Variants in ATF2 observed in about 807,000 individuals in gnomAD.
The protein encoded by ATF2 is activating transcription factor 2.
ATF2 carries 24 observed loss-of-function variants against 60.6 expected under a neutral mutation model. The ratio of observed to expected loss-of-function variants is 0.40; its 90% CI spans 0.29 to 0.56. ATF2 has a LOEUF of 0.56. ATF2 is among the 20% of genes least tolerant of loss of function. The pLI is 0.54. For synonymous variants in ATF2, 206 were observed against 215.4 expected (o/e 0.96, Z 0.38); for missense variants, 433 against 607.7 (o/e 0.71, Z 3.02).
At chr2:175,111,540 T>A in intron 10 of ATF2, 28 bp downstream of exon 10, 1 of 1,566,844 alleles carries the variant, frequency 6.4e-7, no homozygotes, top group Non-Finnish European at 8.8e-7. Flanking sequence ...CCTCAAGCAA[T>A]GTACAGAACA....
intron 10 of ATF2, among the ~76,000 whole-genome samples, chr2:175,107,614 G>C (rs574524103): frequency 3.3e-5 from 5 of 152,054 alleles, no homozygotes; most frequent in Admixed American, 6.5e-5. Context: ...CTCTGATGCC[G>C]AGCCAAAGCT....
chr2:175,141,116 A>G (rs922418106), intron 2 of ATF2, among the ~76,000 whole-genome samples: 1 of 147,796 alleles, frequency 6.8e-6, no homozygotes, highest in African/African-American at 2.5e-5. Flanking sequence ...TCCTTAAAAT[A>G]TCAACTTCAA....
chr2:175,130,221 G>A lies in ATF2; in HGVS notation c.33-14C>T. ...TCCTTGTATTGCCTATAATCAAACA[G>A]AAGACACTTTAGAGTACATATTTTA... On this transcript the variant is annotated splice_polypyrimidine_tract_variant and intron_variant, in intron 3 of 13. Transcript: ENST00000264110. 6.6e-7 allele frequency: 1 copy of A among 1,512,488 alleles called. No individual in the cohort carries two copies. Among genetic ancestry groups the A allele is most frequent in the Non-Finnish European group, 8.9e-7 (1 of 1,119,658 alleles). The allele number at this position is 1,512,488 out of a possible 1,614,324, so 93.7% of individuals were successfully genotyped here.
At chr2:175,143,779 T>C (rs1698758513) in intron 2 of ATF2, among the ~76,000 whole-genome samples, 1 of 152,108 alleles carries the variant, frequency 6.6e-6, no homozygotes, top group Non-Finnish European at 1.5e-5. Flanking sequence ...CTATGTAAAA[T>C]GCCTCCTCTG....
chr2:175,092,143 G>A (rs1246096689), intron 12 of ATF2, among the ~76,000 whole-genome samples: 1 of 152,128 alleles, frequency 6.6e-6, no homozygotes, highest in South Asian at 2.1e-4. Context: ...TATGTCTGAT[G>A]CTAAAAACTG....
At chr2:175,141,600 C>T (rs1698541624) in intron 2 of ATF2, among the ~76,000 whole-genome samples, 1 of 152,002 alleles carries the variant, frequency 6.6e-6, no homozygotes, top group African/African-American at 2.4e-5. Flanking sequence ...TCACGCCATT[C>T]TCCTGCCTCA....
chr2:175,133,602 G>A (rs928629725), intron 3 of ATF2, among the ~76,000 whole-genome samples: 6 of 152,106 alleles, frequency 3.9e-5, no homozygotes, highest in Non-Finnish European at 8.8e-5. Context: ...TCATTTCACA[G>A]GACTTTTCGT....
intron 10 of ATF2, among the ~76,000 whole-genome samples, chr2:175,102,076 A>T (rs1002751791): frequency 5.4e-5 from 8 of 149,304 alleles, no homozygotes; most frequent in African/African-American, 2.0e-4. Context: ...ACTTTGGTTT[A>T]AAAAAAAAAT....
At chr2:175,077,560 A>G (rs1420604375) in intron 13 of ATF2, among the ~76,000 whole-genome samples, 1 of 152,212 alleles carries the variant, frequency 6.6e-6, no homozygotes, top group South Asian at 2.1e-4. Context: ...CAAGGGACAC[A>G]CCAGCTTTTA....
chr2:175,128,739 A>T (rs953060660), intron 4 of ATF2, among the ~76,000 whole-genome samples: 1 of 152,136 alleles, frequency 6.6e-6, no homozygotes, highest in Non-Finnish European at 1.5e-5. Context: ...ATCAAAAGAT[A>T]TTATTACGAA....
intron 13 of ATF2, among the ~76,000 whole-genome samples, chr2:175,077,042 G>A (rs1574300408): frequency 1.4e-5 from 2 of 147,148 alleles, no homozygotes; most frequent in African/African-American, 5.1e-5. Context: ...GTGAGAACAT[G>A]CAGTGTTTGG....
chr2:175,114,957 TCTA>T, intron 7 of ATF2, 89 bp from the exon 8 acceptor site: 1 of 1,267,206 alleles, frequency 7.9e-7, no homozygotes, highest in Admixed American at 2.4e-5. Flanking sequence ...TCTAAAAGCA[TCTA>T]CAGAATAATA....
intron 2 of ATF2, among the ~76,000 whole-genome samples, chr2:175,141,889 C>A (rs1204957770): frequency 6.6e-6 from 1 of 152,092 alleles, no homozygotes; most frequent in African/African-American, 2.4e-5. Context: ...TTCCTCCATA[C>A]AAACTGTTGT....
intron 2 of ATF2, among the ~76,000 whole-genome samples, chr2:175,142,714 AGAGAGAGTGTGTGTGTGT>A (rs1200110984): frequency 4.9e-4 from 61 of 124,682 alleles, no homozygotes; most frequent in Non-Finnish European, 9.4e-4. Context: ...AGAGAGAGAG[AGAGAGAGTGTGTGTGTGT>A]GTGTGTGTGT....
rs191231816 is a variant in ATF2 at position 175,090,575 on chromosome 2, C to T, written c.1185+2486G>A. Among the ~76,000 whole-genome samples the T allele has an allele frequency of 1.5e-4, 23 of 152,010 alleles. 1 individual carries two copies. The East Asian group carries it at 4.3e-3, about 28-fold the overall frequency. On this transcript the variant is annotated intron_variant, in intron 12 of 13. Transcript: ENST00000264110. ...TCATTTTGGATCCTATTTTAAAATG[C>T]ATTTCTAAATCTAAGATGATGCCAT...
intron 3 of ATF2, among the ~76,000 whole-genome samples, chr2:175,131,699 C>A (rs1191143598): frequency 6.6e-6 from 1 of 152,150 alleles, no homozygotes; most frequent in African/African-American, 2.4e-5. Context: ...GCAAAGTATT[C>A]TAACAAGATT....
chr2:175,105,020 T>G (rs553418241), intron 10 of ATF2, among the ~76,000 whole-genome samples: 1 of 152,330 alleles, frequency 6.6e-6, no homozygotes, highest in South Asian at 2.1e-4. Context: ...AAGAAAACTA[T>G]GTATCACTAA....
intron 2 of ATF2, among the ~76,000 whole-genome samples, chr2:175,150,689 T>C (rs1699255376): frequency 6.6e-6 from 1 of 152,150 alleles, no homozygotes; most frequent in East Asian, 1.9e-4. Flanking sequence ...CAAAATATTT[T>C]TGAAAGACAG....
At chr2:175,110,127 G>C (rs1192895716) in intron 10 of ATF2, among the ~76,000 whole-genome samples, 1 of 152,086 alleles carries the variant, frequency 6.6e-6, no homozygotes, top group African/African-American at 2.4e-5. Context: ...ACGAGGTCAG[G>C]AGTTCGAGAC....
Sources: gnomAD v4.1 joint callset for allele counts (sites outside exome capture counted in the v4.1 genomes callset) on GRCh38, gnomAD v4.1.1 for gene constraint, MANE v1.5 for transcripts, NCBI Gene and HGNC (gene_info 2026-07-23, HGNC 2026-07-21) for gene names.